The following KLHL24 variants were observed in gnomAD, a reference collection of about 807,000 sequenced individuals.
KLHL24 encodes kelch like family member 24, also known as kelch-like protein 24.
KLHL24 carries 29 observed loss-of-function variants against 53.4 expected under a neutral mutation model. That is an observed-to-expected ratio of 0.54 (90% CI 0.40 to 0.74). The LOEUF is 0.74. Ranked by LOEUF, KLHL24 falls within the 30% of genes least tolerant of loss-of-function variation. The probability of loss-of-function intolerance (pLI) is 0.00; values close to 1 mark genes in which losing one functional copy is unlikely to be tolerated. For synonymous variants in KLHL24, 222 were observed against 253.7 expected, an observed-to-expected ratio of 0.88 and a Z score of 1.19; for missense variants, 504 against 744.0, an observed-to-expected ratio of 0.68 and a Z score of 3.75.
At chr3:183,665,885 C>CTT (rs10692613) in intron 5 of KLHL24, among the ~76,000 whole-genome samples, 5 of 142,974 alleles carry the variant, frequency 3.5e-5, no homozygotes, top group Non-Finnish European at 4.6e-5. Context: ...GAGAATCAAA[C>CTT]TTTTTTTTTT....
In KLHL24 at chr3:183,680,654, C is replaced by CT. The variant is rs760253394; in HGVS notation, c.*1370dup. On this transcript the variant is annotated 3_prime_UTR_variant, in exon 8 of 8. Transcript: ENST00000242810. ...GATTTCTCAACTCCACTTTATAAAG[C>CT]TTATCAGTTTTCAGAGAGGAATGTG... The CT allele has an allele frequency of 6.6e-6, 1 of 152,086 alleles. No homozygotes were observed. Among genetic ancestry groups the CT allele is most frequent in the East Asian group, 1.9e-4 (1 of 5,196 alleles). The allele number at this position is 152,086 out of a possible 1,614,324, so 9.4% of individuals were successfully genotyped here.
In KLHL24 at chr3:183,672,428, T is replaced by G; in HGVS notation, c.1546T>G (p.Cys516Gly). 1 of 1,613,652 alleles carries G rather than the reference T, an allele frequency of 6.2e-7. No individual in the cohort carries two copies. Among genetic ancestry groups the G allele is most frequent in the Non-Finnish European group, 8.5e-7 (1 of 1,179,764 alleles). Residue 516 changes from cysteine to glycine, a missense_variant, in exon 7 of 8, where the codon TGT (cysteine) becomes GGT (glycine). Cys to Gly is a radical substitution (Grantham distance 159, BLOSUM62 -3). Transcript: ENST00000242810. ...CGGTGGACTGACCAAGGCAATATAC[T>G]GTTACGATCCAGTTGAAGATTACTG... ...VAGGLTKAIY[C>G]YDPVEDYWMH...
chr3:183,678,054 A>G (rs1712205973), intron 7 of KLHL24, among the ~76,000 whole-genome samples: 1 of 152,174 alleles, frequency 6.6e-6, no homozygotes, highest in Non-Finnish European at 1.5e-5. Context: ...CGGCCTCCCA[A>G]AGTGCTGGGA....
intron 2 of KLHL24, among the ~76,000 whole-genome samples, chr3:183,646,500 T>G (rs1717268222): frequency 6.6e-6 from 1 of 152,222 alleles, no homozygotes; most frequent in African/African-American, 2.4e-5. Flanking sequence ...TTTCTGACTT[T>G]ACCTGCACAT....
At position 183,682,001 on chromosome 3, in the gene KLHL24, A is replaced by G. The variant is rs1366925602; in HGVS notation, c.*2715A>G. ...GTGATGATCAGCAAAAAAGCACATAAAGTAAAAATTAGTTGACCATGCTAA... is the reference window on the plus strand; with the variant it reads ...GTGATGATCAGCAAAAAAGCACATAGAGTAAAAATTAGTTGACCATGCTAA... On this transcript the variant is annotated 3_prime_UTR_variant, in exon 8 of 8. Transcript: ENST00000242810. 1 of 152,528 alleles carries G rather than the reference A, an allele frequency of 6.6e-6. No individual in the cohort carries two copies. Among genetic ancestry groups the G allele is most frequent in the Non-Finnish European group, 1.5e-5 (1 of 67,984 alleles). The allele number at this position is 152,528 out of a possible 1,614,324, so 9.4% of individuals were successfully genotyped here.
intron 1 of KLHL24, among the ~76,000 whole-genome samples, chr3:183,642,584 C>A (rs1415852818): frequency 1.3e-4 from 18 of 139,806 alleles, no homozygotes; most frequent in Admixed American, 7.3e-5. Flanking sequence ...CTTAAGCATT[C>A]CTCTTCTCCC....
At chr3:183,669,421 T>C (rs953930377) in intron 5 of KLHL24, among the ~76,000 whole-genome samples, 8 of 152,148 alleles carry the variant, frequency 5.3e-5, no homozygotes, top group African/African-American at 1.9e-4. Context: ...TGCCCTTACA[T>C]TGGATGGCAG....
At chr3:183,659,142 A>G (rs16857906) in intron 3 of KLHL24, among the ~76,000 whole-genome samples, 2 of 151,456 alleles carry the variant, frequency 1.3e-5, no homozygotes, top group Non-Finnish European at 2.9e-5. Context: ...TAGGTTGTTG[A>G]TTTTTTTCTG....
intron 5 of KLHL24, among the ~76,000 whole-genome samples, chr3:183,668,883 T>A (rs1222973691): frequency 6.6e-6 from 1 of 150,624 alleles, no homozygotes; most frequent in East Asian, 2.0e-4. Context: ...GGTGACAGAG[T>A]GAGACTCTGT....
At position 183,664,915 on chromosome 3, in the gene KLHL24, T is replaced by C. The variant is rs1212219717; in HGVS notation, c.1106-6T>C. 6.4e-7 allele frequency: 1 copy of C among 1,562,698 alleles called. No homozygotes were observed. The highest frequency in any genetic ancestry group is 8.8e-7 in the Non-Finnish European group (1 of 1,135,780). On this transcript the variant is annotated splice_region_variant and splice_polypyrimidine_tract_variant and intron_variant, in intron 4 of 7. Coordinates refer to ENST00000242810, the MANE Select transcript of KLHL24 (RefSeq NM_017644.3). The stretch of plus-strand genomic sequence containing the variant: ...TTATCGTGTGTGCATTGTTTTGCAT[T>C]TCAAGGTGGAAGAATCAACAGCCGT...
rs1225238503 is a variant in KLHL24 at position 183,678,992 on chromosome 3, T to C, written c.1603-94T>C. On this transcript the variant is annotated intron_variant, in intron 7 of 7. Coordinates refer to ENST00000242810, the MANE Select transcript of KLHL24 (RefSeq NM_017644.3). Reference sequence around the variant, plus strand: ...AGCTTTTATCATGTCTCCCTTTTTTTTGACTGTGCTAAAGCATTATTTTGC... The same window carrying C: ...AGCTTTTATCATGTCTCCCTTTTTTCTGACTGTGCTAAAGCATTATTTTGC... 5 of 949,510 alleles carry C rather than the reference T, an allele frequency of 5.3e-6. No individual in the cohort carries two copies. The Admixed American group carries it at 1.1e-4, about 20-fold the overall frequency. 58.8% of individuals were successfully genotyped at this position (949,510 alleles called of 1,614,324 possible).
At chr3:183,678,938 CAG>C in intron 7 of KLHL24, 146 bp from the exon 8 acceptor site, 1 of 636,284 alleles carries the variant, frequency 1.6e-6, no homozygotes, top group Non-Finnish European at 2.8e-6. Flanking sequence ...ACACAGAACA[CAG>C]AGAGCAGAGT....
intron 1 of KLHL24, chr3:183,636,789 G>C (rs994730023): frequency 6.6e-6 from 1 of 152,046 alleles, no homozygotes; most frequent in Non-Finnish European, 1.5e-5. Context: ...TGCTTTTGCA[G>C]CTGCGGCCCG....
intron 2 of KLHL24, among the ~76,000 whole-genome samples, chr3:183,646,304 G>A (rs911096988): frequency 7.1e-6 from 1 of 141,478 alleles, no homozygotes; most frequent in Admixed American, 7.5e-5. Flanking sequence ...GGAGGTTGCA[G>A]TGAGCCGAGA....
At chr3:183,668,609 A>T (rs1720899765) in intron 5 of KLHL24, among the ~76,000 whole-genome samples, 1 of 152,014 alleles carries the variant, frequency 6.6e-6, no homozygotes, top group South Asian at 2.1e-4. Flanking sequence ...GCAATCCTCA[A>T]GAAAAAATAA....
intron 3 of KLHL24, among the ~76,000 whole-genome samples, chr3:183,659,487 G>C (rs184621203): frequency 3.3e-5 from 5 of 152,306 alleles, no homozygotes; most frequent in Admixed American, 2.0e-4. Flanking sequence ...TTGCAAGATC[G>C]TGTCACTGTA....
chr3:183,660,828 C>T (rs766499722), intron 3 of KLHL24, among the ~76,000 whole-genome samples: 50 of 151,668 alleles, frequency 3.3e-4, no homozygotes, highest in Non-Finnish European at 6.6e-4. Flanking sequence ...GAGGCCGAGG[C>T]GGGTGGATCA....
At chr3:183,674,642 G>A (rs1162487418) in intron 7 of KLHL24, among the ~76,000 whole-genome samples, 2 of 152,134 alleles carry the variant, frequency 1.3e-5, no homozygotes, top group African/African-American at 2.4e-5. Context: ...TTACAGGCAT[G>A]AGCCACCATG....
chr3:183,663,354 A>G lies in KLHL24; in HGVS notation c.921-104A>G, dbSNP rs184671101. The G allele has an allele frequency of 5.5e-3, 2,892 of 530,346 alleles. 14 individuals are homozygous for G. The highest frequency in any genetic ancestry group is 6.9e-3 in the Non-Finnish European group (2,267 of 327,782). 32.9% of individuals were successfully genotyped at this position (530,346 alleles called of 1,614,324 possible). A position where few individuals can be genotyped will look rare whatever the true frequency, so the allele number is the denominator to read the frequency against. ...GCACAGAGAAGAAACTTAACTGTTT[A>G]TAATAGTGCGTGGTTTGTTTTTAGA... On this transcript the variant is annotated intron_variant, in intron 3 of 7. Transcript: ENST00000242810. This position sits in a 1 kb window ranked among gnomAD's most constrained non-coding sequence, Gnocchi z 4.9.
Sources: gnomAD v4.1 joint callset for allele counts (sites outside exome capture counted in the v4.1 genomes callset) on GRCh38, gnomAD v4.1.1 for gene constraint, Gnocchi (gnomAD v3.1) non-coding constraint, MANE v1.5 for transcripts, NCBI Gene and HGNC (gene_info 2026-07-23, HGNC 2026-07-21) for gene names.